Variants in GTF2A1L observed in about 807,000 individuals in gnomAD.
GTF2A1L encodes the protein general transcription factor IIA subunit 1 like.
In GTF2A1L, 48 loss-of-function variants were observed where a neutral mutation model predicts 49.7. The observed-to-expected ratio is 0.97, with a 90% confidence interval of 0.77 to 1.23. The LOEUF is 1.23. Ranked by LOEUF, GTF2A1L falls within the 50% of genes most tolerant of loss-of-function variation. The pLI is 0.00. For synonymous variants in GTF2A1L, 246 were observed against 193.5 expected (o/e 1.27, Z -2.25); for missense variants, 736 against 564.8 (o/e 1.30, Z -3.07).
At chr2:48,640,849 C>G (rs1298626547) in intron 3 of GTF2A1L, among the ~76,000 whole-genome samples, 1 of 151,956 alleles carries the variant, frequency 6.6e-6, no homozygotes, top group African/African-American at 2.4e-5. Flanking sequence ...AAAGGTATAA[C>G]TTGTGAGCAT....
intron 6 of GTF2A1L, among the ~76,000 whole-genome samples, chr2:48,654,438 G>A (rs754766435): frequency 1.3e-5 from 2 of 151,822 alleles, no homozygotes; most frequent in East Asian, 3.9e-4. Context: ...TCGCTCTGTC[G>A]CCCAGGCTGG....
intron 5 of GTF2A1L, among the ~76,000 whole-genome samples, chr2:48,646,063 T>C (rs1475174951): frequency 6.6e-6 from 1 of 152,130 alleles, no homozygotes; most frequent in East Asian, 1.9e-4. Flanking sequence ...TATGGCATTT[T>C]AAATATATGA....
At chr2:48,652,596 C>T (rs1396832470) in intron 6 of GTF2A1L, among the ~76,000 whole-genome samples, 3 of 151,612 alleles carry the variant, frequency 2.0e-5, no homozygotes, top group Non-Finnish European at 4.4e-5. Context: ...GCCTGGGCAA[C>T]AGAGCGAGAC....
chr2:48,622,811 G>A (rs1426117922), intron 3 of GTF2A1L, among the ~76,000 whole-genome samples: 1 of 149,258 alleles, frequency 6.7e-6, no homozygotes, highest in Non-Finnish European at 1.5e-5. Context: ...TCCAGCCTGG[G>A]CGACACAGTG....
At chr2:48,622,620 A>G (rs1676067711) in intron 3 of GTF2A1L, among the ~76,000 whole-genome samples, 1 of 152,180 alleles carries the variant, frequency 6.6e-6, no homozygotes, top group Non-Finnish European at 1.5e-5. Context: ...CAGGAGTTCT[A>G]GACCAGCCTG....
chr2:48,648,348 C>T (rs1558738564), intron 6 of GTF2A1L, among the ~76,000 whole-genome samples: 2 of 152,038 alleles, frequency 1.3e-5, no homozygotes, highest in Non-Finnish European at 2.9e-5. Flanking sequence ...GTTTTCATCA[C>T]TACTACTTTT....
chr2:48,641,318 G>T (rs1328620140), intron 3 of GTF2A1L, among the ~76,000 whole-genome samples: 2 of 152,242 alleles, frequency 1.3e-5, no homozygotes, highest in East Asian at 3.9e-4. Flanking sequence ...AAATAATTCT[G>T]TGCTTCATTA....
intron 3 of GTF2A1L, among the ~76,000 whole-genome samples, chr2:48,637,625 A>G (rs35895384): frequency 0.13 from 20,404 of 152,158 alleles, 1,646 homozygotes; most frequent in African/African-American, 0.23. Context: ...GAACAAAATT[A>G]GAGCTGAACT....
intron 6 of GTF2A1L, among the ~76,000 whole-genome samples, chr2:48,661,627 ATTATT>A (rs1678505734): frequency 6.6e-6 from 1 of 151,970 alleles, no homozygotes; most frequent in South Asian, 2.1e-4. Context: ...TGGTATATTG[ATTATT>A]TTATCATTAT....
At chr2:48,652,936 A>T (rs1219710239) in intron 6 of GTF2A1L, among the ~76,000 whole-genome samples, 1 of 151,810 alleles carries the variant, frequency 6.6e-6, no homozygotes, top group African/African-American at 2.4e-5. Flanking sequence ...ACTTTAAAAT[A>T]ACTCAAATTT....
chr2:48,667,299 G>C (rs1678908061), intron 6 of GTF2A1L, among the ~76,000 whole-genome samples: 1 of 152,060 alleles, frequency 6.6e-6, no homozygotes, highest in African/African-American at 2.4e-5. Flanking sequence ...TATATATAAA[G>C]AGAGACTGAA....
intron 6 of GTF2A1L, among the ~76,000 whole-genome samples, chr2:48,656,105 C>T (rs73931114): frequency 0.026 from 3,968 of 152,136 alleles, 164 homozygotes; most frequent in African/African-American, 0.091. Context: ...GGGTTGCTTC[C>T]AGCTTTTGGC....
Position 48,646,657 on chromosome 2 carries a change from C to G in GTF2A1L, c.593C>G (p.Ala198Gly), listed in dbSNP as rs776021986. ...ATTGAAACCGTGCTACAGCAACCCG[C>G]AATTCTACCTTCTGGGCCAGTAGAT... ...QRIETVLQQP[A>G]ILPSGPVDRK... is the part of the protein sequence containing the mutation. Residue 198 changes from alanine (A) to glycine (G), a missense_variant, in exon 6 of 9, where the codon GCA becomes GGA. Ala to Gly is a moderately conservative substitution (Grantham distance 60). Transcript: ENST00000403751. The G allele has an allele frequency of 6.2e-6, 10 of 1,614,100 alleles. No individual in the cohort carries two copies. Among genetic ancestry groups the G allele is most frequent in the East Asian group, 2.2e-5 (1 of 44,872 alleles).
At chr2:48,633,563 C>T (rs1003735816) in intron 3 of GTF2A1L, among the ~76,000 whole-genome samples, 10 of 152,098 alleles carry the variant, frequency 6.6e-5, no homozygotes, top group Admixed American at 2.6e-4. Flanking sequence ...GCTGAGCATA[C>T]GGTCAATTGT....
Position 48,642,465 on chromosome 2 carries a change from G to C in GTF2A1L, c.303+8G>C, listed in dbSNP as rs759520277. 5.1e-6 allele frequency: 8 copies of C among 1,573,176 alleles called. No homozygotes were observed. The Admixed American group carries it at 1.2e-4, about 23-fold the overall frequency. ...TTTACCACAGCAGAACTGGTATGTA[G>C]CTTACTTAAAATATATTTTAAAAGA... is the stretch of plus-strand genomic sequence containing the variant. On this transcript the variant is annotated splice_region_variant and intron_variant, in intron 4 of 8. Transcript: ENST00000403751.
chr2:48,624,551 G>A (rs2104077481), intron 3 of GTF2A1L, among the ~76,000 whole-genome samples: 1 of 144,186 alleles, frequency 6.9e-6, no homozygotes, highest in South Asian at 2.3e-4. Context: ...GCTCATTTTA[G>A]GTACTTTTAG....
rs1677537902 is a variant in GTF2A1L, at chr2:48,646,799, A to G, written c.735A>G (p.Pro245=). The change falls in exon 6 of 9, where the codon CCA becomes CCG. Residue 245 remains proline (P), a synonymous_variant. Transcript: ENST00000403751. The part of the protein sequence containing the change: ...HQESSHYISL[P]GVVFSPQVSQ... Reference sequence around the variant, plus strand: ...AAAGTTCTCACTATATCAGTCTTCCAGGTGTTGTATTTTCTCCACAGGTCT... The same window carrying G: ...AAAGTTCTCACTATATCAGTCTTCCGGGTGTTGTATTTTCTCCACAGGTCT... 2 of 1,614,076 alleles carry G rather than the reference A, an allele frequency of 1.2e-6. No individual in the cohort carries two copies. The highest frequency in any genetic ancestry group is 3.3e-5 in the Admixed American group (2 of 60,000).
intron 2 of GTF2A1L, 49 bp downstream of exon 2, chr2:48,621,001 A>C (rs1343838332): frequency 6.4e-7 from 1 of 1,570,578 alleles, no homozygotes; most frequent in East Asian, 2.3e-5. Context: ...TGTTTTTTTC[A>C]GCATACAAAA....
chr2:48,672,252 T>A lies in GTF2A1L; in HGVS notation c.1329+572T>A, dbSNP rs561209061. On this transcript the variant is annotated intron_variant, in intron 8 of 8. Transcript: ENST00000403751. ...AAAGCAGAGAAATGAATGGATGTAG[T>A]ATGTACAAGGGACACTGAAGAGATA... is the stretch of plus-strand genomic sequence containing the variant. Among the ~76,000 whole-genome samples, 9 of 152,338 alleles carry A rather than the reference T, an allele frequency of 5.9e-5. No individual in the cohort carries two copies. The South Asian group carries it at 1.9e-3, about 32-fold the overall frequency.
Sources: gnomAD v4.1 joint callset for allele counts (sites outside exome capture counted in the v4.1 genomes callset) on GRCh38, gnomAD v4.1.1 for gene constraint, MANE v1.5 for transcripts, NCBI Gene and HGNC (gene_info 2026-07-23, HGNC 2026-07-21) for gene names.